The following LYPD6B variants were observed in gnomAD, a reference collection of about 807,000 sequenced individuals.
The protein encoded by LYPD6B is ly6/PLAUR domain-containing protein 6B.
LYPD6B carries 17 observed loss-of-function variants against 22.8 expected under a neutral mutation model. That is an observed-to-expected ratio of 0.75 (90% CI 0.51 to 1.12). LYPD6B has a LOEUF of 1.12. Among genes scored for constraint, LYPD6B ranks in the 50% most tolerant of loss-of-function variants. LYPD6B has a pLI of 0.00. For missense variants in LYPD6B, 221 were observed against 258.3 expected, an observed-to-expected ratio of 0.86 and a Z score of 0.99; for synonymous variants, 106 against 91.6, an observed-to-expected ratio of 1.16 and a Z score of -0.90.
At chr2:149,193,718 G>C (rs1692636766) in intron 3 of LYPD6B, among the ~76,000 whole-genome samples, 1 of 152,002 alleles carries the variant, frequency 6.6e-6, no homozygotes, top group Non-Finnish European at 1.5e-5. Flanking sequence ...TAAGTGAGAA[G>C]CCTTTTGTCA....
chr2:149,126,730 T>A (rs1687720028), intron 1 of LYPD6B, among the ~76,000 whole-genome samples: 2 of 152,286 alleles, frequency 1.3e-5, no homozygotes, highest in South Asian at 4.1e-4. Context: ...TGTCTCTGCA[T>A]CTTTGGATTG....
chr2:149,196,782 A>G (rs1575163072), intron 3 of LYPD6B, among the ~76,000 whole-genome samples: 1 of 152,244 alleles, frequency 6.6e-6, no homozygotes, highest in Non-Finnish European at 1.5e-5. Flanking sequence ...TGAGAAACAC[A>G]TCTGTATGAA....
intron 1 of LYPD6B, among the ~76,000 whole-genome samples, chr2:149,041,022 A>G (rs1262981525): frequency 6.6e-6 from 1 of 150,880 alleles, no homozygotes; most frequent in Admixed American, 6.6e-5. Flanking sequence ...CGTAGTGAAG[A>G]CTCCCCAAAG....
At chr2:149,190,738 A>G (rs1342685552) in intron 3 of LYPD6B, among the ~76,000 whole-genome samples, 2 of 152,134 alleles carry the variant, frequency 1.3e-5, no homozygotes, top group South Asian at 2.1e-4. Context: ...CAATTTTTCT[A>G]TTGGATTTCT....
intron 1 of LYPD6B, among the ~76,000 whole-genome samples, chr2:149,128,273 G>C (rs572162120): frequency 1.3e-4 from 20 of 152,282 alleles, no homozygotes; most frequent in African/African-American, 3.9e-4. Flanking sequence ...TAGATGGTTT[G>C]ACAGAGACCT....
At chr2:149,163,248 T>G (rs1421617683) in intron 3 of LYPD6B, among the ~76,000 whole-genome samples, 4 of 152,172 alleles carry the variant, frequency 2.6e-5, no homozygotes, top group Admixed American at 2.6e-4. Context: ...TTGGTTGAGC[T>G]CAGTGGAGTT....
chr2:149,145,586 A>G (rs1688971371), intron 2 of LYPD6B, among the ~76,000 whole-genome samples: 1 of 152,194 alleles, frequency 6.6e-6, no homozygotes. Flanking sequence ...GAAGGGCCAC[A>G]TGTTGAAACA....
At chr2:149,201,020 T>C (rs1451184866) in intron 3 of LYPD6B, among the ~76,000 whole-genome samples, 1 of 152,148 alleles carries the variant, frequency 6.6e-6, no homozygotes, top group African/African-American at 2.4e-5. Context: ...TTGGGAAAAA[T>C]GTTTTGAGCT....
intron 2 of LYPD6B, among the ~76,000 whole-genome samples, chr2:149,147,533 A>C (rs1215002928): frequency 6.6e-6 from 1 of 151,758 alleles, no homozygotes; most frequent in Non-Finnish European, 1.5e-5. Context: ...TTTGTTTTTG[A>C]GATAGGGCCT....
chr2:149,040,987 C>T (rs1362683985), intron 1 of LYPD6B, among the ~76,000 whole-genome samples: 3 of 151,796 alleles, frequency 2.0e-5, no homozygotes, highest in South Asian at 2.1e-4. Flanking sequence ...AGGATAACAT[C>T]GTCTAGGACT....
chr2:149,169,407 A>G lies in LYPD6B; in HGVS notation c.77+8572A>G, dbSNP rs375926171. Among the ~76,000 whole-genome samples the G allele has an allele frequency of 3.7e-4, 56 of 152,330 alleles. No homozygotes were observed. In the South Asian group the frequency reaches 3.9e-3, roughly 11 times the overall value. On this transcript the variant is annotated intron_variant, in intron 3 of 6. Transcript: ENST00000409642. ...GTTACTCTGGTAGTCTGATTGGAGC[A>G]TGACTTTGAAGGGGATAAGGTTCTC... is the stretch of plus-strand genomic sequence containing the variant.
intron 3 of LYPD6B, among the ~76,000 whole-genome samples, chr2:149,189,301 C>T (rs1436607352): frequency 7.7e-6 from 1 of 129,896 alleles, no homozygotes; most frequent in Non-Finnish European, 1.6e-5. Context: ...ACAATATGGG[C>T]TAATGAGGGT....
At chr2:149,179,933 G>A (rs1420602399) in intron 3 of LYPD6B, among the ~76,000 whole-genome samples, 1 of 152,172 alleles carries the variant, frequency 6.6e-6, no homozygotes, top group African/African-American at 2.4e-5. Context: ...ATCTTCAGGA[G>A]ACATTTTCTA....
intron 1 of LYPD6B, among the ~76,000 whole-genome samples, chr2:149,122,075 C>A (rs1420990623): frequency 6.6e-6 from 1 of 152,178 alleles, no homozygotes; most frequent in African/African-American, 2.4e-5. Flanking sequence ...ACTAGGGACC[C>A]ATTTAGTGGA....
intron 1 of LYPD6B, among the ~76,000 whole-genome samples, chr2:149,062,805 TGTATTAGTCA>T (rs1360550996): frequency 2.0e-5 from 3 of 151,680 alleles, no homozygotes; most frequent in Non-Finnish European, 2.9e-5. Flanking sequence ...AAAATCTGTC[TGTATTAGTCA>T]GTAGGGGAGA....
At position 149,187,329 on chromosome 2, in the gene LYPD6B, T is replaced by A. The variant is rs1368921955; in HGVS notation, c.78-17924T>A. 5.0e-5 allele frequency: 63 copies of A among 1,265,496 alleles called. No homozygotes were observed. In the South Asian group the frequency reaches 1.1e-3, roughly 23 times the overall value. The allele number at this position is 1,265,496 out of a possible 1,614,324, so 78.4% of individuals were successfully genotyped here. A position where few individuals can be genotyped will look rare whatever the true frequency, so the allele number is the denominator to read the frequency against. On this transcript the variant is annotated intron_variant, in intron 3 of 6. Transcript: ENST00000409642. ...TGCACTAAATGAAGTGTATTGCATA[T>A]ATTTAATTATTTATGCCCAAATGGC... is the stretch of plus-strand genomic sequence containing the variant.
intron 1 of LYPD6B, among the ~76,000 whole-genome samples, chr2:149,122,848 A>G (rs1687462964): frequency 6.6e-6 from 1 of 152,168 alleles, no homozygotes; most frequent in African/African-American, 2.4e-5. Context: ...GGCAATAAAA[A>G]TTTAAGATAG....
At chr2:149,135,065 T>C (rs1212764204) in intron 2 of LYPD6B, among the ~76,000 whole-genome samples, 2 of 151,692 alleles carry the variant, frequency 1.3e-5, no homozygotes, top group Non-Finnish European at 2.9e-5. Context: ...GCCGACATGA[T>C]GAAACCCCAT....
intron 1 of LYPD6B, among the ~76,000 whole-genome samples, chr2:149,046,437 A>G (rs1296018034): frequency 6.6e-6 from 1 of 151,940 alleles, no homozygotes; most frequent in East Asian, 1.9e-4. Context: ...ATAATCTACC[A>G]TCTTGCTAGT....
Sources: allele counts gnomAD v4.1 joint callset (sites outside exome capture counted in the v4.1 genomes callset), GRCh38; gene constraint gnomAD v4.1.1; transcripts MANE v1.5; gene names NCBI Gene and HGNC (gene_info 2026-07-23, HGNC 2026-07-21).